AFF1: variants seen among roughly 807,000 people sequenced by gnomAD.
AFF1 encodes AF4/FMR2 family member 1.
Under a neutral mutation model 121.7 loss-of-function variants are expected in AFF1, and 48 were observed. The ratio of observed to expected loss-of-function variants is 0.39; its 90% CI spans 0.31 to 0.50. The LOEUF (loss-of-function observed/expected upper bound fraction) is 0.50, where lower values mean the gene tolerates loss of function less well. Among genes scored for constraint, AFF1 ranks in the 20% least tolerant of loss-of-function variants. The pLI is 0.76. For synonymous variants in AFF1, 613 were observed against 563.0 expected (o/e 1.09, Z -1.26); for missense variants, 1,523 against 1,511.7 (o/e 1.01, Z -0.12).
At chr4:87,080,777 C>T (rs776899402) in intron 4 of AFF1, among the ~76,000 whole-genome samples, 94 of 152,308 alleles carry the variant, frequency 6.2e-4, no homozygotes, top group Non-Finnish European at 1.3e-3. Context: ...GACGAGGCAG[C>T]CTGTCCTTGT....
intron 2 of AFF1, among the ~76,000 whole-genome samples, chr4:86,963,240 T>G (rs1166141946): frequency 3.3e-5 from 5 of 152,120 alleles, no homozygotes; most frequent in African/African-American, 4.8e-5. Flanking sequence ...AATAATACTT[T>G]TTATCCTTTT....
chr4:87,072,258 G>C (rs1351119213), intron 4 of AFF1, among the ~76,000 whole-genome samples: 1 of 151,228 alleles, frequency 6.6e-6, no homozygotes, highest in Non-Finnish European at 1.5e-5. Flanking sequence ...AGCTACTCAG[G>C]AGTCTGAGGC....
chr4:87,096,964 T>C (rs1724934212), intron 8 of AFF1, among the ~76,000 whole-genome samples: 1 of 152,138 alleles, frequency 6.6e-6, no homozygotes, highest in Non-Finnish European at 1.5e-5. Flanking sequence ...CTCACTGACA[T>C]GGATTACATT....
At chr4:87,101,169 C>G (rs997375637) in intron 8 of AFF1, among the ~76,000 whole-genome samples, 4 of 152,186 alleles carry the variant, frequency 2.6e-5, no homozygotes, top group Non-Finnish European at 5.9e-5. Flanking sequence ...TTTTTCATCT[C>G]TTCTTCGTTT....
rs1423355602 is a variant in AFF1 at position 87,138,585 on chromosome 4, CTG to C, written c.*2887_*2888del. 1 of 231,526 alleles carries C rather than the reference CTG, an allele frequency of 4.3e-6. No individual in the cohort carries two copies. The highest frequency in any genetic ancestry group is 8.5e-6 in the Non-Finnish European group (1 of 117,264). The allele number at this position is 231,526 out of a possible 1,614,324, so 14.3% of individuals were successfully genotyped here. Reference sequence around the variant, plus strand: ...AAAGTGTTTAATGTTTCTGTCCTTTCTGTGAATTATTGAATTTAAGAGCCCTG... The same window carrying C: ...AAAGTGTTTAATGTTTCTGTCCTTTCTGAATTATTGAATTTAAGAGCCCTG... On this transcript the variant is annotated 3_prime_UTR_variant, in exon 21 of 21. Coordinates refer to ENST00000395146, the MANE Select transcript of AFF1 (RefSeq NM_001166693.3).
intron 2 of AFF1, among the ~76,000 whole-genome samples, chr4:86,983,036 A>G (rs1723903377): frequency 6.6e-6 from 1 of 152,082 alleles, no homozygotes; most frequent in Non-Finnish European, 1.5e-5. Context: ...GTTTATAAGC[A>G]AGCCAGTTTT....
intron 2 of AFF1, among the ~76,000 whole-genome samples, chr4:87,018,740 AG>A (rs1727597632): frequency 6.6e-6 from 1 of 152,258 alleles, no homozygotes; most frequent in Admixed American, 6.5e-5. Flanking sequence ...ATTTTAATAA[AG>A]GCAAAGTGAG....
rs1729485842 is a variant in AFF1, at chr4:87,138,608, C to A, written c.*2907C>A. On this transcript the variant is annotated 3_prime_UTR_variant, in exon 21 of 21. Coordinates refer to ENST00000395146, the MANE Select transcript of AFF1 (RefSeq NM_001166693.3). ...TTCTGTGAATTATTGAATTTAAGAGCCCTGCTAAATAATGAAAAAACACTT... is the reference window on the plus strand; with the variant it reads ...TTCTGTGAATTATTGAATTTAAGAGACCTGCTAAATAATGAAAAAACACTT... 1 of 230,766 alleles carries A rather than the reference C, an allele frequency of 4.3e-6. No homozygotes were observed. The highest frequency in any genetic ancestry group is 1.8e-4 in the South Asian group (1 of 5,474). The allele number at this position is 230,766 out of a possible 1,614,324, so 14.3% of individuals were successfully genotyped here.
At chr4:87,131,512 T>G (rs1168946632) in intron 17 of AFF1, among the ~76,000 whole-genome samples, 1 of 152,238 alleles carries the variant, frequency 6.6e-6, no homozygotes, top group Non-Finnish European at 1.5e-5. Flanking sequence ...CCTCTCAGTT[T>G]AAGCCTTTGT....
At position 87,115,002 on chromosome 4, in the gene AFF1, C is replaced by T. The variant is rs758727265; in HGVS notation, c.2169C>T (p.Gly723=). 5.6e-6 allele frequency: 9 copies of T among 1,613,650 alleles called. No individual in the cohort carries two copies. The South Asian group carries it at 9.9e-5, about 18-fold the overall frequency. The change falls in exon 12 of 21, where the codon GGC becomes GGT. Residue 723 remains glycine (G), a synonymous_variant. Coordinates refer to ENST00000395146, the MANE Select transcript of AFF1 (RefSeq NM_001166693.3). ...LTESQGPPHS[G]SGSRTSGCRQ... ...AGAGCCAGGGCCCACCCCACAGTGG[C>T]AGCGGCAGCAGGACTAGTGGCTGCC...
At chr4:87,135,478 G>A in intron 20 of AFF1, 102 bp from the exon 21 acceptor site, 2 of 1,225,236 alleles carry the variant, frequency 1.6e-6, no homozygotes, top group South Asian at 3.6e-5. Context: ...GCAGAATATT[G>A]TGGGGACCTA....
chr4:87,095,728 G>A (rs1013248418), intron 8 of AFF1, among the ~76,000 whole-genome samples: 4 of 152,136 alleles, frequency 2.6e-5, no homozygotes, highest in South Asian at 4.1e-4. Context: ...TTATGGGAAC[G>A]TTTTAGACTG....
At chr4:86,948,278 G>C (rs775676244) in intron 1 of AFF1, among the ~76,000 whole-genome samples, 14 of 151,914 alleles carry the variant, frequency 9.2e-5, no homozygotes, top group Non-Finnish European at 1.8e-4. Context: ...TTGTTTTCTT[G>C]CTGAAATGGC....
chr4:87,104,874 TTC>T (rs201599875), intron 8 of AFF1, among the ~76,000 whole-genome samples: 44 of 147,628 alleles, frequency 3.0e-4, no homozygotes, highest in African/African-American at 5.5e-4. Flanking sequence ...TTTTTTTTTT[TTC>T]CTCACTGAAA....
chr4:87,005,781 T>C (rs1363309216), intron 2 of AFF1, among the ~76,000 whole-genome samples: 2 of 152,146 alleles, frequency 1.3e-5, no homozygotes, highest in Non-Finnish European at 2.9e-5. Context: ...GCTTGCTTCA[T>C]TAACGACAAT....
At chr4:86,937,807 A>C (rs1477098916) in intron 1 of AFF1, among the ~76,000 whole-genome samples, 1 of 151,476 alleles carries the variant, frequency 6.6e-6, no homozygotes, top group Admixed American at 6.6e-5. Context: ...GGGGCTCCCT[A>C]TGTTACCCAG....
chr4:86,998,663 C>T (rs1725439174), intron 2 of AFF1, among the ~76,000 whole-genome samples: 1 of 151,792 alleles, frequency 6.6e-6, no homozygotes. Flanking sequence ...GTATTTTGTA[C>T]CTGCTTTTTT....
intron 4 of AFF1, among the ~76,000 whole-genome samples, chr4:87,067,980 A>G (rs1179536468): frequency 6.6e-6 from 1 of 152,218 alleles, no homozygotes; most frequent in Non-Finnish European, 1.5e-5. Flanking sequence ...TTTATTTCTC[A>G]TATAGTTTTT....
At position 87,138,752 on chromosome 4, in the gene AFF1, G is replaced by A. The variant is rs1209133114; in HGVS notation, c.*3051G>A. 8.7e-6 allele frequency: 2 copies of A among 230,694 alleles called. No individual in the cohort carries two copies. Among genetic ancestry groups the A allele is most frequent in the Non-Finnish European group, 1.7e-5 (2 of 116,546 alleles). 14.3% of individuals were successfully genotyped at this position (230,694 alleles called of 1,614,324 possible). ...TATCAGAAATAGAATCACAATAGGA[G>A]GAGAATTTGACTGTCTGATATTATG... On this transcript the variant is annotated 3_prime_UTR_variant, in exon 21 of 21. Transcript: ENST00000395146.
Sources: gnomAD v4.1 joint callset for allele counts (sites outside exome capture counted in the v4.1 genomes callset) on GRCh38, gnomAD v4.1.1 for gene constraint, MANE v1.5 for transcripts, NCBI Gene and HGNC (gene_info 2026-07-23, HGNC 2026-07-21) for gene names.